SORCS2: variants seen among roughly 807,000 people sequenced by gnomAD.
SORCS2 encodes sortilin related VPS10 domain containing receptor 2, also known as VPS10 domain-containing receptor SorCS2.
Under a neutral mutation model 141.6 loss-of-function variants are expected in SORCS2, and 100 were observed. That is an observed-to-expected ratio of 0.71 (90% CI 0.60 to 0.83). The LOEUF (loss-of-function observed/expected upper bound fraction) is 0.83. SORCS2 is among the 40% of genes least tolerant of loss of function. The pLI, the probability that SORCS2 is intolerant of heterozygous loss-of-function variation, is 0.00. For missense variants in SORCS2, 1,646 were observed against 1,560.2 expected, an observed-to-expected ratio of 1.05 and a Z score of -0.93; for synonymous variants, 789 against 676.9, an observed-to-expected ratio of 1.17 and a Z score of -2.57.
At position 7,332,306 on chromosome 4, in the gene SORCS2, T is replaced by C. The variant is rs140861837; in HGVS notation, c.481-63982T>C. Among the ~76,000 whole-genome samples the C allele has an allele frequency of 8.2e-3, 1,243 of 152,296 alleles. 17 individuals carry two copies. Among genetic ancestry groups the C allele is most frequent in the African/African-American group, 0.029 (1,198 of 41,554 alleles). On this transcript the variant is annotated intron_variant, in intron 1 of 26. Coordinates refer to ENST00000507866, the MANE Select transcript of SORCS2 (RefSeq NM_020777.3). ...TCCCGGGGGCCCTGTCCGCAGGCTCTGTCCACGTCTCAGCTCCTCTGAGGC... is the reference window on the plus strand; with the variant it reads ...TCCCGGGGGCCCTGTCCGCAGGCTCCGTCCACGTCTCAGCTCCTCTGAGGC...
intron 3 of SORCS2, among the ~76,000 whole-genome samples, chr4:7,544,387 C>G (rs939465015): frequency 1.3e-5 from 2 of 152,200 alleles, no homozygotes; most frequent in Admixed American, 1.3e-4. Context: ...GAAGGGGATG[C>G]TGTTCCCTGA....
chr4:7,668,932 T>G (rs938750295), intron 8 of SORCS2, among the ~76,000 whole-genome samples: 1 of 152,012 alleles, frequency 6.6e-6, no homozygotes, highest in Non-Finnish European at 1.5e-5. Flanking sequence ...CATTGGAGGC[T>G]GGGGTAGCTG....
At chr4:7,732,279 A>T (rs1186148120) in intron 23 of SORCS2, among the ~76,000 whole-genome samples, 1 of 152,208 alleles carries the variant, frequency 6.6e-6, no homozygotes, top group Non-Finnish European at 1.5e-5. Context: ...GGCTATTGTC[A>T]AAATAACAGA....
At chr4:7,720,765 A>G (rs898852921) in intron 18 of SORCS2, among the ~76,000 whole-genome samples, 2 of 152,228 alleles carry the variant, frequency 1.3e-5, no homozygotes, top group Admixed American at 6.5e-5. Context: ...ATCAGCCGCC[A>G]GGGAAGCCCA....
chr4:7,645,320 G>A (rs1393728273), intron 4 of SORCS2, among the ~76,000 whole-genome samples: 1 of 152,208 alleles, frequency 6.6e-6, no homozygotes, highest in Non-Finnish European at 1.5e-5. Context: ...AGTCCTGTGA[G>A]CTCAAGTCTG....
chr4:7,509,633 A>G (rs547138627), intron 2 of SORCS2, among the ~76,000 whole-genome samples: 2 of 152,222 alleles, frequency 1.3e-5, no homozygotes, highest in African/African-American at 2.4e-5. Context: ...ACCACCAGGA[A>G]GAAGGGGCCT....
At chr4:7,374,175 CTTTCTTTCTTTCTTTCTTTCTTT>C (rs1722477085) in intron 1 of SORCS2, among the ~76,000 whole-genome samples, 1 of 122,976 alleles carries the variant, frequency 8.1e-6, no homozygotes. Flanking sequence ...TTCTTTCTTT[CTTTCTTTCTTTCTTTCTTTCTTT>C]TTTGCAGAGA....
intron 1 of SORCS2, among the ~76,000 whole-genome samples, chr4:7,303,972 G>A (rs936411655): frequency 6.6e-6 from 1 of 152,276 alleles, no homozygotes; most frequent in African/African-American, 2.4e-5. Context: ...GTGTGATTTT[G>A]TGGGATCCTC....
chr4:7,405,215 G>A (rs1364226497), intron 2 of SORCS2, among the ~76,000 whole-genome samples: 1 of 151,996 alleles, frequency 6.6e-6, no homozygotes, highest in South Asian at 2.1e-4. Flanking sequence ...TGGTTTATGT[G>A]TCTATTTGTA....
intron 5 of SORCS2, 38 bp from the exon 6 acceptor site, chr4:7,661,462 C>T (rs1258112941): frequency 6.5e-7 from 1 of 1,549,390 alleles, no homozygotes. Flanking sequence ...GGCATGGTGA[C>T]TCCATTCCCG....
chr4:7,554,913 G>A (rs28694541), intron 3 of SORCS2, among the ~76,000 whole-genome samples: 57,104 of 152,014 alleles, frequency 0.38, 11,824 homozygotes, highest in African/African-American at 0.55. Flanking sequence ...TCTCAGGAGA[G>A]CTGAGGAAGT....
chr4:7,260,254 G>A (rs1004805117), intron 1 of SORCS2, among the ~76,000 whole-genome samples: 1 of 152,246 alleles, frequency 6.6e-6, no homozygotes, highest in African/African-American at 2.4e-5. Context: ...TGCCCCCTGA[G>A]GGGCTGGATT....
chr4:7,675,921 C>A, intron 8 of SORCS2, 129 bp from the exon 9 acceptor site: 1 of 1,088,096 alleles, frequency 9.2e-7, no homozygotes, highest in Non-Finnish European at 1.3e-6. Flanking sequence ...AGGAGGCAAA[C>A]CTAGGCCAGG....
At chr4:7,431,404 G>A (rs1256266298) in intron 2 of SORCS2, 1 of 152,316 alleles carries the variant, frequency 6.6e-6, no homozygotes, top group Non-Finnish European at 1.5e-5. Context: ...CCTGTCGGGG[G>A]ATTTCAGGTC....
At chr4:7,641,777 A>AATGG (rs56032853) in intron 4 of SORCS2, among the ~76,000 whole-genome samples, 13,812 of 78,838 alleles carry the variant, frequency 0.18, 800 homozygotes, top group Middle Eastern at 0.27. Flanking sequence ...TGGATGGATA[A>AATGG]ATGGATGGAT....
intron 1 of SORCS2, among the ~76,000 whole-genome samples, chr4:7,200,936 C>T (rs185676564): frequency 1.6e-4 from 24 of 152,322 alleles, no homozygotes; most frequent in African/African-American, 5.5e-4. Flanking sequence ...AGGCCCGGCT[C>T]GTGGTGGCTG....
intron 20 of SORCS2, 79 bp downstream of exon 20, chr4:7,725,366 C>G: frequency 6.6e-7 from 1 of 1,513,202 alleles, no homozygotes; most frequent in Non-Finnish European, 8.9e-7. Context: ...AGCATGGCCC[C>G]AGGTTTTCAG....
intron 1 of SORCS2, chr4:7,381,800 T>A (rs1723009671): frequency 3.7e-6 from 2 of 542,948 alleles, no homozygotes; most frequent in South Asian, 1.6e-4. Flanking sequence ...TGCAGCCATG[T>A]GCAGCCTGAA....
At chr4:7,612,329 A>T (rs1718460521) in intron 3 of SORCS2, among the ~76,000 whole-genome samples, 1 of 151,390 alleles carries the variant, frequency 6.6e-6, no homozygotes, top group African/African-American at 2.4e-5. Context: ...GGGTGGGACA[A>T]CTCTCCCAGT....
Sources: allele counts gnomAD v4.1 joint callset (sites outside exome capture counted in the v4.1 genomes callset), GRCh38; gene constraint gnomAD v4.1.1; transcripts MANE v1.5; gene names NCBI Gene and HGNC (gene_info 2026-07-23, HGNC 2026-07-21).